PCDHGA5: variants seen among roughly 807,000 people sequenced by gnomAD.
PCDHGA5 encodes protocadherin gamma-A5.
In PCDHGA5, 36 loss-of-function variants were observed where a neutral mutation model predicts 56.7. The observed-to-expected ratio is 0.64, with a 90% CI of 0.49 to 0.84. The LOEUF (loss-of-function observed/expected upper bound fraction) is 0.84. Ranked by LOEUF, PCDHGA5 falls within the 40% of genes least tolerant of loss-of-function variation. The pLI is 0.00. For synonymous variants in PCDHGA5, 563 were observed against 520.2 expected (o/e 1.08, Z -1.12); for missense variants, 1,305 against 1,201.5 (o/e 1.09, Z -1.27).
chr5:141,364,629 CACT>C lies in PCDHGA5; in HGVS notation c.300_302del (p.Leu101del). On this transcript the variant is annotated inframe_deletion, in exon 1 of 4. Coordinates refer to ENST00000518069, the MANE Select transcript of PCDHGA5 (RefSeq NM_018918.3). ...CGGGAGGAGCTCTGCGCTCAGAGCC[CACT>C]GTGTGTGGTGAACTTTAACATCTTG... 1 of 1,614,142 alleles carries C rather than the reference CACT, an allele frequency of 6.2e-7. No individual in the cohort carries two copies. The highest frequency in any genetic ancestry group is 8.5e-7 in the Non-Finnish European group (1 of 1,179,984).
chr5:141,415,477 CGAAA>C (rs764359660), intron 1 of PCDHGA5: 56 of 1,614,066 alleles, frequency 3.5e-5, no homozygotes, highest in Middle Eastern at 3.3e-4. Context: ...CGCGGACTCG[CGAAA>C]GAGTCACCTG....
intron 1 of PCDHGA5, chr5:141,414,538 A>C: frequency 1.2e-6 from 2 of 1,613,882 alleles, no homozygotes; most frequent in Non-Finnish European, 1.7e-6. Flanking sequence ...CAACCCACCT[A>C]CCTTCTCTCA....
chr5:141,410,796 G>T, intron 1 of PCDHGA5: 19 of 640,732 alleles, frequency 3.0e-5, no homozygotes, highest in South Asian at 1.4e-4. Flanking sequence ...TTCATAAGTT[G>T]CTCTATCTTT....
At chr5:141,390,334 A>T (rs764594293) in intron 1 of PCDHGA5, 1 of 1,597,538 alleles carries the variant, frequency 6.3e-7, no homozygotes, top group Non-Finnish European at 8.5e-7. Flanking sequence ...ATTTCTCCAT[A>T]TTCACAAGAA....
intron 1 of PCDHGA5, chr5:141,376,734 C>T (rs1773305109): frequency 5.7e-6 from 3 of 526,518 alleles, no homozygotes; most frequent in South Asian, 4.6e-5. Context: ...GGCCGGACTG[C>T]GGACTGCAGT....
rs115001531 is a variant in PCDHGA5, at chr5:141,495,385, G to A, written c.2480+520G>A. Among the ~76,000 whole-genome samples the A allele has an allele frequency of 2.2e-3, 339 of 152,328 alleles. 1 individual carries two copies. Among genetic ancestry groups the A allele is most frequent in the African/African-American group, 7.9e-3 (329 of 41,590 alleles). ...AGGTGGAACTGAGGAAGGACTGGGC[G>A]GGGCATGGAGCAGGCCCCCTTCTCC... On this transcript the variant is annotated intron_variant, in intron 2 of 3. Transcript: ENST00000518069.
At chr5:141,502,309 T>G (rs1395136136) in intron 2 of PCDHGA5, among the ~76,000 whole-genome samples, 2 of 152,196 alleles carry the variant, frequency 1.3e-5, no homozygotes, top group Admixed American at 6.5e-5. Flanking sequence ...TTTCCTCTCC[T>G]TTAATCTGGA....
rs200900873 is a variant in PCDHGA5 at position 141,510,902 on chromosome 5, G to A, written c.2570-45G>A. On this transcript the variant is annotated intron_variant, in intron 3 of 3. Transcript: ENST00000518069. ...GGGGATATAAGACAGTGACTGTTGAGGACCCTAAGTTTAGCTCCCACCTGA... is the reference window on the plus strand; with the variant it reads ...GGGGATATAAGACAGTGACTGTTGAAGACCCTAAGTTTAGCTCCCACCTGA... The A allele has an allele frequency of 1.5e-3, 2,449 of 1,613,462 alleles. 7 individuals carry two copies. The highest frequency in any genetic ancestry group is 1.9e-3 in the Non-Finnish European group (2,206 of 1,179,758).
chr5:141,486,456 C>G lies in PCDHGA5; in HGVS notation c.2422-8351C>G. ...AGCTATGACATCATGGTCACTGCTT[C>G]TGATGCTGGGAACCCTCCTCTCAGT... is the stretch of plus-strand genomic sequence containing the variant. On this transcript the variant is annotated intron_variant, in intron 1 of 3. Transcript: ENST00000518069. The surrounding 1 kb of genome is among the most constrained non-coding windows in gnomAD (Gnocchi z 5.0). The G allele has an allele frequency of 1.9e-6, 3 of 1,614,052 alleles. No homozygotes were observed. In the South Asian group the frequency reaches 3.3e-5, roughly 18 times the overall value.
intron 1 of PCDHGA5, among the ~76,000 whole-genome samples, chr5:141,407,609 TG>T (rs2094960291): frequency 1.3e-5 from 2 of 152,162 alleles, no homozygotes; most frequent in Admixed American, 1.3e-4. Flanking sequence ...AAAGAAGCAT[TG>T]GTTGACATTC....
intron 1 of PCDHGA5, chr5:141,387,776 A>G: frequency 6.9e-7 from 1 of 1,452,928 alleles, no homozygotes; most frequent in Non-Finnish European, 9.2e-7. Flanking sequence ...TTTTTCTTGA[A>G]CTGGAACTGC....
intron 1 of PCDHGA5, among the ~76,000 whole-genome samples, chr5:141,447,631 A>G (rs59518107): frequency 0.11 from 16,809 of 152,214 alleles, 1,093 homozygotes; most frequent in African/African-American, 0.17. Flanking sequence ...AACCAACAGT[A>G]TGAATGATGG....
At chr5:141,418,726 G>C (rs1399333996) in intron 1 of PCDHGA5, 1 of 1,613,986 alleles carries the variant, frequency 6.2e-7, no homozygotes, top group Non-Finnish European at 8.5e-7. Flanking sequence ...ACAAAGCTCA[G>C]CACGTGTTCT....
At chr5:141,369,998 A>G (rs553441989) in intron 1 of PCDHGA5, among the ~76,000 whole-genome samples, 1 of 152,372 alleles carries the variant, frequency 6.6e-6, no homozygotes, top group Admixed American at 6.5e-5. Context: ...ATAAAGCTCA[A>G]ATTAAAAGAA....
In PCDHGA5 at chr5:141,485,972, T is replaced by G; in HGVS notation, c.2422-8835T>G. ...CATGGTGCTCATCCAGCTCAATGCC[T>G]CAGACCCGGACCTGGGTCCCAGTGG... On this transcript the variant is annotated intron_variant, in intron 1 of 3. Transcript: ENST00000518069. The surrounding 1 kb of genome is among the most constrained non-coding windows in gnomAD (Gnocchi z 5.7). 1 of 1,614,184 alleles carries G rather than the reference T, an allele frequency of 6.2e-7. No individual in the cohort carries two copies. Among genetic ancestry groups the G allele is most frequent in the Non-Finnish European group, 8.5e-7 (1 of 1,180,022 alleles).
chr5:141,477,519 A>C lies in PCDHGA5; in HGVS notation c.2422-17288A>C, dbSNP rs1255751458. 1 of 1,614,174 alleles carries C rather than the reference A, an allele frequency of 6.2e-7. No individual in the cohort carries two copies. The highest frequency in any genetic ancestry group is 2.2e-5 in the East Asian group (1 of 44,882). Reference sequence around the variant, plus strand: ...TCTTCCTACGACGTTTACATTGAAGAAAACAACCTCCCCGGGGCTCCAATA... The same window carrying C: ...TCTTCCTACGACGTTTACATTGAAGCAAACAACCTCCCCGGGGCTCCAATA... On this transcript the variant is annotated intron_variant, in intron 1 of 3. Transcript: ENST00000518069. The surrounding 1 kb of genome is among the most constrained non-coding windows in gnomAD (Gnocchi z 4.9).
intron 1 of PCDHGA5, among the ~76,000 whole-genome samples, chr5:141,462,736 T>C (rs2099045667): frequency 6.6e-6 from 1 of 152,274 alleles, no homozygotes; most frequent in South Asian, 2.1e-4. Flanking sequence ...TTGTCACCTC[T>C]GTAATTCCTA....
At chr5:141,418,423 T>G (rs1469880702) in intron 1 of PCDHGA5, 1 of 1,613,868 alleles carries the variant, frequency 6.2e-7, no homozygotes. Flanking sequence ...ATCCTGATGG[T>G]GGCAAATATC....
At chr5:141,399,511 C>T in intron 1 of PCDHGA5, 1 of 1,614,042 alleles carries the variant, frequency 6.2e-7, no homozygotes, top group Non-Finnish European at 8.5e-7. Context: ...CGAAAACAAC[C>T]CTCCTGGGGC....
Sources: gnomAD v4.1 joint callset for allele counts (sites outside exome capture counted in the v4.1 genomes callset) on GRCh38, gnomAD v4.1.1 for gene constraint, Gnocchi (gnomAD v3.1) non-coding constraint, MANE v1.5 for transcripts, NCBI Gene and HGNC (gene_info 2026-07-23, HGNC 2026-07-21) for gene names.